SMG7: variants seen among roughly 807,000 people sequenced by gnomAD.
SMG7 encodes SMG7 nonsense mediated mRNA decay factor.
In SMG7, 34 loss-of-function variants were observed where a neutral mutation model predicts 148.2. The ratio of observed to expected loss-of-function variants is 0.23; its 90% CI spans 0.17 to 0.31. SMG7 has a LOEUF of 0.31. Ranked by LOEUF, SMG7 falls within the 10% of genes least tolerant of loss-of-function variation. The pLI is 1.00. For missense variants in SMG7, 1,114 were observed against 1,408.4 expected, an observed-to-expected ratio of 0.79 and a Z score of 3.35; for synonymous variants, 492 against 515.1, an observed-to-expected ratio of 0.96 and a Z score of 0.61.
At chr1:183,524,110 GTC>G (rs1665340131) in intron 4 of SMG7, among the ~76,000 whole-genome samples, 1 of 151,372 alleles carries the variant, frequency 6.6e-6, no homozygotes, top group Non-Finnish European at 1.5e-5. Flanking sequence ...TTAAGACGGG[GTC>G]TCTCTCTGTC....
chr1:183,517,672 T>C lies in SMG7; in HGVS notation c.180-16T>C. 6.2e-7 allele frequency: 1 copy of C among 1,613,824 alleles called. No individual in the cohort carries two copies. Among genetic ancestry groups the C allele is most frequent in the South Asian group, 1.1e-5 (1 of 91,082 alleles). ...GAGTCACTGCTATACCAAATAGAAT[T>C]ACATTTTGTTTTCAGCTGGAATCAC... On this transcript the variant is annotated splice_polypyrimidine_tract_variant and intron_variant, in intron 3 of 22. Coordinates refer to ENST00000688051, the MANE Select transcript of SMG7 (RefSeq NM_001375584.1).
intron 1 of SMG7, chr1:183,502,276 A>C: frequency 6.5e-7 from 1 of 1,533,124 alleles, no homozygotes. Flanking sequence ...ATTCTACCTT[A>C]TGAGAAATTG....
chr1:183,520,291 A>C (rs183931495), intron 4 of SMG7, among the ~76,000 whole-genome samples: 1 of 152,200 alleles, frequency 6.6e-6, no homozygotes, highest in Non-Finnish European at 1.5e-5. Context: ...AAATCATATA[A>C]AATTATATAT....
intron 3 of SMG7, 66 bp downstream of exon 3, chr1:183,516,057 G>A: frequency 2.1e-6 from 2 of 945,748 alleles, no homozygotes; most frequent in Admixed American, 4.4e-5. Flanking sequence ...CTTTAAAACA[G>A]TTTGGTTCGT....
intron 4 of SMG7, among the ~76,000 whole-genome samples, chr1:183,518,390 G>GT (rs1309214440): frequency 6.6e-6 from 1 of 152,222 alleles, no homozygotes. Context: ...TAGTGAAACA[G>GT]TGGAAGTAGT....
chr1:183,542,406 T>A lies in SMG7; in HGVS notation c.1746T>A (p.Asn582Lys), dbSNP rs1669032198. The A allele has an allele frequency of 6.2e-7, 1 of 1,613,768 alleles. No homozygotes were observed. Residue 582 changes from asparagine (N) to lysine (K), a missense_variant, in exon 14 of 23, where the codon AAT becomes AAA. Physicochemically the swap from Asn to Lys is moderately conservative, Grantham distance 94. Around this residue, in one of 4 missense-constraint regions of SMG7, gnomAD observed 788 missense variants for 894.5 expected, o/e 0.88. Coordinates refer to ENST00000688051, the MANE Select transcript of SMG7 (RefSeq NM_001375584.1). ...GCAAAGGAATAACTGTAACTAAGAA[T>A]GATGGAAAGAAGGACAACAACAAGA... Reference protein sequence around the residue: ...DYSKGITVTKNDGKKDNNKRK... With the variant: ...DYSKGITVTKKDGKKDNNKRK...
intron 4 of SMG7, among the ~76,000 whole-genome samples, chr1:183,522,799 C>T (rs1240651424): frequency 6.6e-6 from 1 of 150,728 alleles, no homozygotes; most frequent in African/African-American, 2.4e-5. Context: ...TTTTTAAAGA[C>T]AGGCGCTCAC....
intron 1 of SMG7, among the ~76,000 whole-genome samples, chr1:183,500,314 A>G (rs1022012083): frequency 1.3e-5 from 2 of 152,180 alleles, no homozygotes; most frequent in South Asian, 2.1e-4. Flanking sequence ...ATGATTATGT[A>G]TTTATCTGAT....
In SMG7 at chr1:183,527,901, T is replaced by TA; in HGVS notation, c.485-54dup. 8.0e-7 allele frequency: 1 copy of TA among 1,243,576 alleles called. No homozygotes were observed. The highest frequency in any genetic ancestry group is 1.8e-5 in the Admixed American group (1 of 55,584). The allele number at this position is 1,243,576 out of a possible 1,614,324, so 77.0% of individuals were successfully genotyped here. On this transcript the variant is annotated intron_variant, in intron 5 of 22. Coordinates refer to ENST00000688051, the MANE Select transcript of SMG7 (RefSeq NM_001375584.1). The surrounding 1 kb of genome is among the most constrained non-coding windows in gnomAD (Gnocchi z 4.0). ...CTTAAAACTATAGCTGTTTTGGAAA[T>TA]ACTACCCTACTGTTTGTTTTTTGGG...
Position 183,522,268 on chromosome 1 carries a change from T to G in SMG7, c.313-4328T>G, listed in dbSNP as rs187994405. Among the ~76,000 whole-genome samples the G allele has an allele frequency of 7.2e-5, 11 of 152,252 alleles. No individual in the cohort carries two copies. In the East Asian group the frequency reaches 2.1e-3, roughly 29 times the overall value. ...GAAACATCATAAAATCATAAAAATTTTATGATTATAGTAAAGAACCCTGAC... is the reference window on the plus strand; with the variant it reads ...GAAACATCATAAAATCATAAAAATTGTATGATTATAGTAAAGAACCCTGAC... On this transcript the variant is annotated intron_variant, in intron 4 of 22. Coordinates refer to ENST00000688051, the MANE Select transcript of SMG7 (RefSeq NM_001375584.1).
intron 13 of SMG7, 72 bp downstream of exon 13, chr1:183,541,175 C>G: frequency 7.6e-7 from 1 of 1,308,286 alleles, no homozygotes; most frequent in Non-Finnish European, 1.1e-6. Flanking sequence ...CACACGCGCG[C>G]GCACACACAC....
intron 2 of SMG7, 183 bp downstream of exon 2, chr1:183,513,051 T>A: frequency 1.8e-6 from 1 of 551,628 alleles, no homozygotes; most frequent in Non-Finnish European, 3.1e-6. Context: ...TAAATAACTG[T>A]TGGGAATTGC....
In SMG7 at chr1:183,553,959, T is replaced by C. The variant is rs542993924; in HGVS notation, c.*2028T>C. The C allele has an allele frequency of 5.2e-5, 8 of 152,736 alleles. No individual in the cohort carries two copies. In the South Asian group the frequency reaches 1.7e-3, roughly 32 times the overall value. The allele number at this position is 152,736 out of a possible 1,614,324, so 9.5% of individuals were successfully genotyped here. On this transcript the variant is annotated 3_prime_UTR_variant, in exon 23 of 23. Transcript: ENST00000688051. ...TAAAGCCCCATTCTGCATGAGAATT[T>C]GGTGTTTGGAATGTTTTCTGACTCT...
At chr1:183,518,778 G>A (rs1292461480) in intron 4 of SMG7, 1 of 152,162 alleles carries the variant, frequency 6.6e-6, no homozygotes, top group Non-Finnish European at 1.5e-5. Flanking sequence ...AATAGCATTT[G>A]TAATTAACAA....
At chr1:183,497,091 C>G (rs1270489045) in intron 1 of SMG7, among the ~76,000 whole-genome samples, 1 of 152,202 alleles carries the variant, frequency 6.6e-6, no homozygotes, top group Non-Finnish European at 1.5e-5. Context: ...CCTCTGACCC[C>G]TTTAACAAAA....
At chr1:183,538,224 A>G (rs1038944796) in intron 11 of SMG7, among the ~76,000 whole-genome samples, 156 bp from the exon 12 acceptor site, 12 of 152,192 alleles carry the variant, frequency 7.9e-5, no homozygotes, top group African/African-American at 1.4e-4. Flanking sequence ...TTGACAGGTG[A>G]GTTATTTTCA....
chr1:183,533,387 C>A, intron 9 of SMG7, 61 bp downstream of exon 9: 1 of 1,508,500 alleles, frequency 6.6e-7, no homozygotes, highest in South Asian at 1.2e-5. Context: ...TTAGGCATTT[C>A]ATCGATGTAG....
chr1:183,542,192 T>C lies in SMG7; in HGVS notation c.1532T>C (p.Val511Ala), dbSNP rs749435903. ...KENLILQETS[V>A]IESLAADGSP... is the part of the protein sequence containing the mutation. The stretch of plus-strand genomic sequence containing the variant: ...AACCTCATTCTGCAAGAAACATCTG[T>C]GATAGAGTCGCTGGCTGCAGATGGG... Residue 511 changes from valine to alanine, a missense_variant, in exon 14 of 23, where the codon GTG (valine) becomes GCG (alanine). Val to Ala is a moderately conservative substitution (Grantham distance 64). Coordinates refer to ENST00000688051, the MANE Select transcript of SMG7 (RefSeq NM_001375584.1). 6.2e-7 allele frequency: 1 copy of C among 1,614,124 alleles called. No homozygotes were observed.
At position 183,553,456 on chromosome 1, in the gene SMG7, G is replaced by C; in HGVS notation, c.*1525G>C. On this transcript the variant is annotated 3_prime_UTR_variant, in exon 23 of 23. Coordinates refer to ENST00000688051, the MANE Select transcript of SMG7 (RefSeq NM_001375584.1). ...CCCAGAGGGGAGGGGTTGTGTGTGC[G>C]AGTGTATGGAGTTAGTGTGGAACTT... 2.2e-6 allele frequency: 1 copy of C among 444,916 alleles called. No homozygotes were observed. Among genetic ancestry groups the C allele is most frequent in the Non-Finnish European group, 4.1e-6 (1 of 241,340 alleles). 27.6% of individuals were successfully genotyped at this position (444,916 alleles called of 1,614,324 possible).
Sources: allele counts gnomAD v4.1 joint callset (sites outside exome capture counted in the v4.1 genomes callset), GRCh38; gene constraint gnomAD v4.1.1; regional missense constraint gnomAD v4.1.1; non-coding constraint Gnocchi (gnomAD v3.1); transcripts MANE v1.5; gene names NCBI Gene and HGNC (gene_info 2026-07-23, HGNC 2026-07-21).